Variants in DNAAF10 observed in about 807,000 individuals in gnomAD.
DNAAF10 encodes the protein WD repeat domain 92.
A neutral mutation model predicts 43.7 loss-of-function variants in DNAAF10; 28 were observed. The ratio of observed to expected loss-of-function variants is 0.64; its 90% CI spans 0.48 to 0.88. The LOEUF (loss-of-function observed/expected upper bound fraction) is 0.88. Ranked by LOEUF, DNAAF10 falls within the 40% of genes least tolerant of loss-of-function variation. The pLI is 0.00. For synonymous variants in DNAAF10, 156 were observed against 157.3 expected, an observed-to-expected ratio of 0.99 and a Z score of 0.06; for missense variants, 403 against 439.1, an observed-to-expected ratio of 0.92 and a Z score of 0.73.
intron 1 of DNAAF10, among the ~76,000 whole-genome samples, chr2:68,155,210 G>A (rs746789959): frequency 1.3e-5 from 2 of 151,782 alleles, no homozygotes; most frequent in Non-Finnish European, 2.9e-5. Flanking sequence ...AGGAATAAAT[G>A]GCCAGGTGCA....
At chr2:68,132,434 A>C (rs1242540800) in intron 7 of DNAAF10, among the ~76,000 whole-genome samples, 1 of 152,208 alleles carries the variant, frequency 6.6e-6, no homozygotes, top group East Asian at 1.9e-4. Context: ...AAATACAGAC[A>C]CCTTTCACAT....
At position 68,141,746 on chromosome 2, in the gene DNAAF10, A is replaced by G. The variant is rs1558609331; in HGVS notation, c.465T>C (p.Asn155=). The G allele has an allele frequency of 6.2e-7, 1 of 1,614,186 alleles. No homozygotes were observed. The highest frequency in any genetic ancestry group is 2.2e-5 in the East Asian group (1 of 44,884). Residue 155 remains asparagine, a synonymous_variant, in exon 4 of 8, where the codon AAT becomes AAC. Coordinates refer to ENST00000295121, the MANE Select transcript of DNAAF10 (RefSeq NM_138458.4). ...TGTTTTCTCCTTGTACAGGTTCCATATTAGCAACAGGATCATCTTTTTGCC... is the reference window on the plus strand; with the variant it reads ...TGTTTTCTCCTTGTACAGGTTCCATGTTAGCAACAGGATCATCTTTTTGCC... ...DPRQKDDPVA[N]MEPVQGENKR...
chr2:68,157,161 T>C lies in DNAAF10; in HGVS notation c.183+100A>G. Reference sequence around the variant, plus strand: ...TGGTCTCGCGCGGCTCAAGCCATGCTTTGGGGGACGCTGGGCGAAGGCTCT... The same window carrying C: ...TGGTCTCGCGCGGCTCAAGCCATGCCTTGGGGGACGCTGGGCGAAGGCTCT... On this transcript the variant is annotated intron_variant, in intron 1 of 7. Transcript: ENST00000295121. 5 of 1,478,132 alleles carry C rather than the reference T, an allele frequency of 3.4e-6. No individual in the cohort carries two copies. In the South Asian group the frequency reaches 6.7e-5, roughly 20 times the overall value. The allele number at this position is 1,478,132 out of a possible 1,614,324, so 91.6% of individuals were successfully genotyped here. A position where few individuals can be genotyped will look rare whatever the true frequency, so the allele number is the denominator to read the frequency against.
At chr2:68,145,274 C>A (rs780300518) in intron 2 of DNAAF10, among the ~76,000 whole-genome samples, 1 of 151,324 alleles carries the variant, frequency 6.6e-6, no homozygotes, top group Non-Finnish European at 1.5e-5. Flanking sequence ...GAGGACGTGG[C>A]TCTCAGGACA....
At chr2:68,151,925 G>A (rs1241159359) in intron 1 of DNAAF10, among the ~76,000 whole-genome samples, 1 of 152,190 alleles carries the variant, frequency 6.6e-6, no homozygotes, top group Non-Finnish European at 1.5e-5. Flanking sequence ...TCAGAGGACT[G>A]AGTGACTTGC....
chr2:68,136,202 G>C (rs1227132776), intron 6 of DNAAF10, among the ~76,000 whole-genome samples: 1 of 146,842 alleles, frequency 6.8e-6, no homozygotes, highest in Non-Finnish European at 1.5e-5. Context: ...TGGGTAAGAG[G>C]GCAAGATTCT....
intron 7 of DNAAF10, 37 bp from the exon 8 acceptor site, chr2:68,131,482 C>G: frequency 6.3e-7 from 1 of 1,590,568 alleles, no homozygotes; most frequent in Non-Finnish European, 8.6e-7. Flanking sequence ...GCGCATAAAT[C>G]TTAGCTTTCA....
chr2:68,155,835 G>A (rs932441381), intron 1 of DNAAF10, among the ~76,000 whole-genome samples: 14 of 152,224 alleles, frequency 9.2e-5, no homozygotes, highest in African/African-American at 3.4e-4. Context: ...GGTGGCTCAC[G>A]CCTGTAATCC....
At chr2:68,146,838 A>G (rs1378300919) in intron 2 of DNAAF10, among the ~76,000 whole-genome samples, 2 of 152,224 alleles carry the variant, frequency 1.3e-5, no homozygotes, top group African/African-American at 2.4e-5. Flanking sequence ...ATAATATTTT[A>G]GAACACTGCT....
chr2:68,157,447 G>A lies in DNAAF10; in HGVS notation c.-4C>T. On this transcript the variant is annotated 5_prime_UTR_variant, in exon 1 of 8. Coordinates refer to ENST00000295121, the MANE Select transcript of DNAAF10 (RefSeq NM_138458.4). ...GAGGCTTCTCGAAGGCCGACATGGTGCAGCCAATTTCAGCTACGGCAACCG... is the reference window on the plus strand; with the variant it reads ...GAGGCTTCTCGAAGGCCGACATGGTACAGCCAATTTCAGCTACGGCAACCG... 1 of 1,614,148 alleles carries A rather than the reference G, an allele frequency of 6.2e-7. No individual in the cohort carries two copies. Among genetic ancestry groups the A allele is most frequent in the South Asian group, 1.1e-5 (1 of 91,086 alleles).
chr2:68,134,181 C>G, intron 7 of DNAAF10: 1 of 985,892 alleles, frequency 1.0e-6, no homozygotes, highest in South Asian at 4.7e-5. Context: ...TTTAAATGAT[C>G]TAGTATCTGT....
In DNAAF10 at chr2:68,143,824, G is replaced by T. The variant is rs567090456; in HGVS notation, c.415+761C>A. On this transcript the variant is annotated intron_variant, in intron 3 of 7. Transcript: ENST00000295121. ...GTTGTGGTAGTGTGGTAGACTGAAT[G>T]TTATTTTTCCCTCTATACTCAATAT... Among the ~76,000 whole-genome samples the T allele has an allele frequency of 9.5e-4, 145 of 152,196 alleles. 1 individual carries two copies. Among genetic ancestry groups the T allele is most frequent in the African/African-American group, 3.3e-3 (136 of 41,534 alleles).
chr2:68,152,060 G>A (rs573126538), intron 1 of DNAAF10, among the ~76,000 whole-genome samples: 1 of 152,162 alleles, frequency 6.6e-6, no homozygotes, highest in Non-Finnish European at 1.5e-5. Context: ...AAACCTGAGC[G>A]TTATTGGAAG....
At chr2:68,154,146 C>T (rs1322257601) in intron 1 of DNAAF10, among the ~76,000 whole-genome samples, 2 of 152,106 alleles carry the variant, frequency 1.3e-5, no homozygotes, top group African/African-American at 4.8e-5. Flanking sequence ...TAAATCTCTT[C>T]GGTCCTTGTT....
chr2:68,136,217 C>A (rs1452555182), intron 6 of DNAAF10, among the ~76,000 whole-genome samples: 1 of 131,518 alleles, frequency 7.6e-6, no homozygotes, highest in African/African-American at 3.0e-5. Context: ...GATTCTGTCT[C>A]CAGAAAAAAA....
At chr2:68,153,768 T>C (rs1003336605) in intron 1 of DNAAF10, among the ~76,000 whole-genome samples, 2 of 148,202 alleles carry the variant, frequency 1.3e-5, no homozygotes, top group African/African-American at 5.0e-5. Flanking sequence ...TTTTTTTTTT[T>C]TGGAGACAGA....
intron 7 of DNAAF10, 44 bp downstream of exon 7, chr2:68,134,658 C>T: frequency 1.3e-6 from 2 of 1,588,808 alleles, no homozygotes; most frequent in Non-Finnish European, 1.7e-6. Context: ...TACTTTACAC[C>T]CACAGGTAAC....
At chr2:68,132,838 T>C (rs944189294) in intron 7 of DNAAF10, among the ~76,000 whole-genome samples, 2 of 152,238 alleles carry the variant, frequency 1.3e-5, no homozygotes, top group Admixed American at 1.3e-4. Context: ...TACATTGCGC[T>C]AAACTTCAAA....
At position 68,131,159 on chromosome 2, in the gene DNAAF10, C is replaced by G. The variant is rs1279857742; in HGVS notation, c.*79G>C. On this transcript the variant is annotated 3_prime_UTR_variant, in exon 8 of 8. Coordinates refer to ENST00000295121, the MANE Select transcript of DNAAF10 (RefSeq NM_138458.4). ...GGTCTCGATCTCCTGACCTTCTGAT[C>G]CACCCGCCTCGGCCTCCCAAAGTGC... The G allele has an allele frequency of 1.4e-6, 2 of 1,408,514 alleles. No individual in the cohort carries two copies. The highest frequency in any genetic ancestry group is 1.4e-5 in the African/African-American group (1 of 70,454). The allele number at this position is 1,408,514 out of a possible 1,614,324, so 87.3% of individuals were successfully genotyped here.
Sources: allele counts gnomAD v4.1 joint callset (sites outside exome capture counted in the v4.1 genomes callset), GRCh38; gene constraint gnomAD v4.1.1; transcripts MANE v1.5; gene names NCBI Gene and HGNC (gene_info 2026-07-23, HGNC 2026-07-21).